Variants in KIAA1217 observed in about 807,000 individuals in gnomAD.
KIAA1217 encodes KIAA1217.
Under a neutral mutation model 163.9 loss-of-function variants are expected in KIAA1217, and 88 were observed. The observed-to-expected ratio is 0.54, with a 90% CI of 0.45 to 0.64. KIAA1217 has a LOEUF of 0.64. Ranked by LOEUF, KIAA1217 falls within the 30% of genes least tolerant of loss-of-function variation. The pLI is 0.00. For missense variants in KIAA1217, 2,372 were observed against 2,475.0 expected (o/e 0.96, Z 0.88); for synonymous variants, 903 against 923.1 (o/e 0.98, Z 0.39).
chr10:23,855,239 G>T (rs1487714458), intron 1 of KIAA1217, among the ~76,000 whole-genome samples: 8 of 152,106 alleles, frequency 5.3e-5, no homozygotes, highest in Non-Finnish European at 1.5e-5. Context: ...GCATTTGCTT[G>T]TCTGTAAAGT....
At chr10:24,418,863 T>C (rs1203318790) in intron 3 of KIAA1217, among the ~76,000 whole-genome samples, 1 of 152,128 alleles carries the variant, frequency 6.6e-6, no homozygotes, top group East Asian at 1.9e-4. Flanking sequence ...ATTTAACTTT[T>C]ACATTTTTGT....
intron 5 of KIAA1217, among the ~76,000 whole-genome samples, chr10:24,468,194 G>A (rs2063149248): frequency 6.6e-6 from 1 of 152,138 alleles, no homozygotes; most frequent in Non-Finnish European, 1.5e-5. Context: ...CTCCAGTGAT[G>A]TCCCCTTACC....
chr10:24,134,277 A>T (rs2063757380), intron 2 of KIAA1217, among the ~76,000 whole-genome samples: 1 of 152,192 alleles, frequency 6.6e-6, no homozygotes, highest in South Asian at 2.1e-4. Flanking sequence ...GAGCAAACAT[A>T]AAAAGGTAAG....
chr10:24,000,584 T>C (rs1846694595), intron 1 of KIAA1217, among the ~76,000 whole-genome samples: 1 of 152,228 alleles, frequency 6.6e-6, no homozygotes, highest in African/African-American at 2.4e-5. Flanking sequence ...CATCGGGCAT[T>C]GAGTAACACA....
At chr10:24,005,847 G>T (rs1846969592) in intron 1 of KIAA1217, among the ~76,000 whole-genome samples, 1 of 152,182 alleles carries the variant, frequency 6.6e-6, no homozygotes, top group Non-Finnish European at 1.5e-5. Context: ...AAGAATGTGT[G>T]CAAAGTTTTA....
intron 2 of KIAA1217, among the ~76,000 whole-genome samples, chr10:24,164,272 G>A (rs963283644): frequency 1.3e-5 from 2 of 152,148 alleles, no homozygotes; most frequent in African/African-American, 4.8e-5. Context: ...TGCCCTGCCT[G>A]GGAATCACTT....
chr10:24,410,117 C>T (rs1203556006), intron 3 of KIAA1217, among the ~76,000 whole-genome samples: 4 of 151,528 alleles, frequency 2.6e-5, no homozygotes, highest in African/African-American at 9.7e-5. Context: ...CTGCCTCAGC[C>T]TCCTGAGTAG....
intron 2 of KIAA1217, among the ~76,000 whole-genome samples, chr10:24,143,943 T>G (rs2064195185): frequency 6.6e-6 from 1 of 152,310 alleles, no homozygotes; most frequent in South Asian, 2.1e-4. Context: ...AGACACTCAA[T>G]GAATCATGGA....
intron 5 of KIAA1217, among the ~76,000 whole-genome samples, chr10:24,467,413 G>T (rs932589987): frequency 2.6e-5 from 4 of 152,168 alleles, no homozygotes; most frequent in African/African-American, 9.7e-5. Context: ...AGAAAAGACA[G>T]TGCCTAGCCA....
intron 1 of KIAA1217, among the ~76,000 whole-genome samples, chr10:23,776,516 G>A (rs763971176): frequency 2.7e-5 from 4 of 150,624 alleles, no homozygotes; most frequent in Non-Finnish European, 5.9e-5. Flanking sequence ...GAGCATATTT[G>A]GCTATAGATA....
intron 2 of KIAA1217, among the ~76,000 whole-genome samples, chr10:24,084,516 A>G (rs1201443246): frequency 6.6e-6 from 1 of 152,230 alleles, no homozygotes; most frequent in East Asian, 1.9e-4. Context: ...ATGAAAATGA[A>G]TGAGATTTGC....
At chr10:24,517,184 A>T (rs2070323083) in intron 10 of KIAA1217, among the ~76,000 whole-genome samples, 1 of 151,960 alleles carries the variant, frequency 6.6e-6, no homozygotes, top group African/African-American at 2.4e-5. Flanking sequence ...AAAAAAAAAA[A>T]AAAACTAAAA....
intron 1 of KIAA1217, among the ~76,000 whole-genome samples, chr10:23,973,228 G>C (rs1381542039): frequency 6.6e-6 from 1 of 151,942 alleles, no homozygotes. Context: ...GTTTAGGAGG[G>C]AAAAAAATAG....
chr10:24,414,557 A>C (rs1168702893), intron 3 of KIAA1217, among the ~76,000 whole-genome samples: 1 of 152,186 alleles, frequency 6.6e-6, no homozygotes, highest in Non-Finnish European at 1.5e-5. Context: ...CGTTTTGATC[A>C]TGAGGCATTT....
intron 10 of KIAA1217, among the ~76,000 whole-genome samples, chr10:24,514,836 A>C (rs1168126218): frequency 6.6e-6 from 1 of 150,802 alleles, no homozygotes; most frequent in African/African-American, 2.4e-5. Flanking sequence ...CTAAAAATAC[A>C]AAAAAAATAG....
intron 1 of KIAA1217, among the ~76,000 whole-genome samples, chr10:23,823,224 T>A (rs1383974701): frequency 6.6e-6 from 1 of 152,164 alleles, no homozygotes; most frequent in East Asian, 1.9e-4. Context: ...ACATTCAGGT[T>A]GTTGGGAGAA....
At chr10:23,857,391 G>C (rs931830174) in intron 1 of KIAA1217, among the ~76,000 whole-genome samples, 1 of 152,176 alleles carries the variant, frequency 6.6e-6, no homozygotes, top group African/African-American at 2.4e-5. Context: ...CCATAAATAG[G>C]AAGGAATGAG....
intron 17 of KIAA1217, among the ~76,000 whole-genome samples, chr10:24,537,944 C>T (rs2074279331): frequency 6.6e-6 from 1 of 152,188 alleles, no homozygotes; most frequent in African/African-American, 2.4e-5. Flanking sequence ...GATATAAAGA[C>T]ATCTTACTTG....
intron 1 of KIAA1217, among the ~76,000 whole-genome samples, chr10:23,925,895 G>A (rs1420371998): frequency 2.0e-5 from 3 of 152,180 alleles, no homozygotes; most frequent in African/African-American, 7.2e-5. Flanking sequence ...ATGCAAAGTA[G>A]TAAAGCAAAT....
Sources: gnomAD v4.1 joint callset for allele counts (sites outside exome capture counted in the v4.1 genomes callset) on GRCh38, gnomAD v4.1.1 for gene constraint, MANE v1.5 for transcripts, NCBI Gene and HGNC (gene_info 2026-07-23, HGNC 2026-07-21) for gene names.